Variants in HRH2 observed in about 807,000 individuals in gnomAD.
HRH2 encodes histamine H2 receptor.
In HRH2, 4 loss-of-function variants were observed where a neutral mutation model predicts 20.1. The observed-to-expected ratio is 0.20, with a 90% CI of 0.10 to 0.45. The LOEUF (loss-of-function observed/expected upper bound fraction) is 0.45. HRH2 is among the 20% of genes least tolerant of loss of function. The probability of loss-of-function intolerance (pLI) is 0.99; values close to 1 mark genes in which losing one functional copy is unlikely to be tolerated. For missense variants in HRH2, 250 were observed against 461.6 expected, an observed-to-expected ratio of 0.54 and a Z score of 4.20; for synonymous variants, 197 against 200.7, an observed-to-expected ratio of 0.98 and a Z score of 0.16.
In HRH2 at chr5:175,677,765, G is replaced by C. The variant is rs1459432659; in HGVS notation, c.-525-4944G>C. On this transcript the variant is annotated intron_variant, in intron 1 of 2. Coordinates refer to ENST00000636584, the MANE Select transcript of HRH2 (RefSeq NM_001367711.1). This position sits in a 1 kb window ranked among gnomAD's most constrained non-coding sequence, Gnocchi z 4.2. The stretch of plus-strand genomic sequence containing the variant: ...TGAGAATGAGGAACTGGGCGGTGCC[G>C]GGCAGCCACCTGCTCCGGCCCACCC... 6.6e-5 allele frequency among the ~76,000 whole-genome samples: 10 copies of C among 152,180 alleles called. No homozygotes were observed. The East Asian group carries it at 1.9e-3, about 29-fold the overall frequency.
intron 2 of HRH2, among the ~76,000 whole-genome samples, chr5:175,694,862 C>A (rs1756518315): frequency 6.6e-6 from 1 of 152,164 alleles, no homozygotes; most frequent in African/African-American, 2.4e-5. Context: ...AGGGCCCAGC[C>A]TAGCATCTGA....
rs2113504722 is a variant in HRH2, at chr5:175,677,256, T to G, written c.-525-5453T>G. On this transcript the variant is annotated intron_variant, in intron 1 of 2. Transcript: ENST00000636584. This position sits in a 1 kb window ranked among gnomAD's most constrained non-coding sequence, Gnocchi z 4.2. The stretch of plus-strand genomic sequence containing the variant: ...CTCCCACCTCAGCCTCCCAAAATGC[T>G]GGGACTGCAGGTGTGAATCACTGCG... Among the ~76,000 whole-genome samples, 2 of 152,380 alleles carry G rather than the reference T, an allele frequency of 1.3e-5. No homozygotes were observed. The highest frequency in any genetic ancestry group is 2.9e-5 in the Non-Finnish European group (2 of 68,040).
rs1037796997 is a variant in HRH2, at chr5:175,686,001, AC to A, written c.1076+1694del. On this transcript the variant is annotated intron_variant, in intron 2 of 2. Coordinates refer to ENST00000636584, the MANE Select transcript of HRH2 (RefSeq NM_001367711.1). This position sits in a 1 kb window ranked among gnomAD's most constrained non-coding sequence, Gnocchi z 4.7. ...TGGATCCTGGGCCCTCTGCTCCTTC[AC>A]CACTGTCCATCTGAAGCAAGCCTGG... 1 of 153,612 alleles carries A rather than the reference AC, an allele frequency of 6.5e-6. No homozygotes were observed. The highest frequency in any genetic ancestry group is 2.4e-5 in the African/African-American group (1 of 41,398). The allele number at this position is 153,612 out of a possible 1,614,324, so 9.5% of individuals were successfully genotyped here.
intron 2 of HRH2, among the ~76,000 whole-genome samples, chr5:175,703,522 C>A (rs1756854869): frequency 6.6e-6 from 1 of 151,516 alleles, no homozygotes; most frequent in Admixed American, 6.6e-5. Flanking sequence ...TTAAAAAGAA[C>A]AACAAAATAA....
chr5:175,691,714 C>T (rs1247901850), intron 2 of HRH2, among the ~76,000 whole-genome samples: 1 of 151,698 alleles, frequency 6.6e-6, no homozygotes, highest in Non-Finnish European at 1.5e-5. Flanking sequence ...GAAACCCCAT[C>T]TCTACTAAAA....
chr5:175,684,283 C>T lies in HRH2; in HGVS notation c.1050C>T (p.Val350=), dbSNP rs1756090943. Residue 350 remains valine (V), a synonymous_variant, in exon 2 of 3, where the codon GTC becomes GTT. Coordinates refer to ENST00000636584, the MANE Select transcript of HRH2 (RefSeq NM_001367711.1). ...LKLQVWSGTE[V]TAPQGATDRK... ...TCCAGGTGTGGAGTGGGACAGAAGT[C>T]ACGGCCCCCCAGGGAGCCACAGACA... 1 of 1,614,062 alleles carries T rather than the reference C, an allele frequency of 6.2e-7. No individual in the cohort carries two copies. Among genetic ancestry groups the T allele is most frequent in the Non-Finnish European group, 8.5e-7 (1 of 1,179,992 alleles).
chr5:175,679,253 C>G (rs1354042336), intron 1 of HRH2, among the ~76,000 whole-genome samples: 1 of 152,098 alleles, frequency 6.6e-6, no homozygotes, highest in Non-Finnish European at 1.5e-5. Flanking sequence ...AGAGAGTGCT[C>G]CCAGGGCCTT....
chr5:175,708,308 G>C lies in HRH2; in HGVS notation c.*337G>C. The C allele has an allele frequency of 4.6e-6, 1 of 216,182 alleles. No homozygotes were observed. The highest frequency in any genetic ancestry group is 9.0e-6 in the Non-Finnish European group (1 of 110,520). The allele number at this position is 216,182 out of a possible 1,614,324, so 13.4% of individuals were successfully genotyped here. On this transcript the variant is annotated 3_prime_UTR_variant, in exon 3 of 3. Coordinates refer to ENST00000636584, the MANE Select transcript of HRH2 (RefSeq NM_001367711.1). ...CATGTGTGTGCATGGGTGCATACGTGTAGGGACGTGCATGACCTCTGAGCA... is the reference window on the plus strand; with the variant it reads ...CATGTGTGTGCATGGGTGCATACGTCTAGGGACGTGCATGACCTCTGAGCA...
chr5:175,681,367 G>A lies in HRH2; in HGVS notation c.-525-1342G>A, dbSNP rs1250602136. 6.6e-6 allele frequency among the ~76,000 whole-genome samples: 1 copy of A among 152,204 alleles called. No individual in the cohort carries two copies. On this transcript the variant is annotated intron_variant, in intron 1 of 2. Transcript: ENST00000636584. This position sits in a 1 kb window ranked among gnomAD's most constrained non-coding sequence, Gnocchi z 4.3. ...AGGTTGCAAACCGCTCCAGGCAAGA[G>A]CCTGGGAGAGGCTTAATTTATGTTT...
At chr5:175,701,488 C>T (rs10037326) in intron 2 of HRH2, among the ~76,000 whole-genome samples, 2 of 152,100 alleles carry the variant, frequency 1.3e-5, no homozygotes, top group Non-Finnish European at 2.9e-5. Context: ...CTCGGATTGC[C>T]GCTGTAATCC....
intron 1 of HRH2, among the ~76,000 whole-genome samples, chr5:175,664,749 C>A (rs1762837877): frequency 6.6e-6 from 1 of 152,138 alleles, no homozygotes; most frequent in South Asian, 2.1e-4. Context: ...GTCCTCCCAC[C>A]TCAGCCTCCC....
At chr5:175,680,528 T>C (rs528133294) in intron 1 of HRH2, among the ~76,000 whole-genome samples, 2 of 152,318 alleles carry the variant, frequency 1.3e-5, no homozygotes, top group South Asian at 4.1e-4. Flanking sequence ...GTCATCACTT[T>C]GGAAGTTTGA....
intron 2 of HRH2, among the ~76,000 whole-genome samples, chr5:175,688,182 C>A (rs543156530): frequency 5.3e-5 from 8 of 152,354 alleles, no homozygotes; most frequent in African/African-American, 1.7e-4. Context: ...GCCTGGGTAA[C>A]CCATGCTACT....
intron 2 of HRH2, among the ~76,000 whole-genome samples, chr5:175,689,450 C>T (rs1014474103): frequency 3.3e-5 from 5 of 152,176 alleles, no homozygotes; most frequent in African/African-American, 7.2e-5. Context: ...CTGTGCCTGG[C>T]ACAGAACAGG....
intron 1 of HRH2, among the ~76,000 whole-genome samples, chr5:175,676,838 G>A (rs1037425926): frequency 1.3e-5 from 2 of 152,214 alleles, no homozygotes; most frequent in Non-Finnish European, 2.9e-5. Flanking sequence ...TTTGACTCCA[G>A]TTGCACTGGA....
At chr5:175,668,412 G>A (rs1397275564) in intron 1 of HRH2, among the ~76,000 whole-genome samples, 1 of 152,158 alleles carries the variant, frequency 6.6e-6, no homozygotes. Flanking sequence ...CAGGGTGGGG[G>A]TGCAGGGGAA....
intron 1 of HRH2, among the ~76,000 whole-genome samples, chr5:175,669,335 G>C (rs1755432081): frequency 6.6e-6 from 1 of 151,286 alleles, no homozygotes; most frequent in African/African-American, 2.4e-5. Flanking sequence ...AGGCATCCTG[G>C]AACTGTGCTT....
Position 175,686,657 on chromosome 5 carries a change from A to G in HRH2, c.1076+2348A>G, listed in dbSNP as rs960071116. 6.6e-6 allele frequency among the ~76,000 whole-genome samples: 1 copy of G among 152,188 alleles called. No homozygotes were observed. The highest frequency in any genetic ancestry group is 1.5e-5 in the Non-Finnish European group (1 of 68,028). On this transcript the variant is annotated intron_variant, in intron 2 of 2. Transcript: ENST00000636584. This position sits in a 1 kb window ranked among gnomAD's most constrained non-coding sequence, Gnocchi z 4.7. ...ATGGGCCCGGGAGCCCATCCCGGAG[A>G]GGAGACCTCTGAGCTTTTAAATGCA...
intron 1 of HRH2, among the ~76,000 whole-genome samples, chr5:175,672,832 T>C (rs1581418850): frequency 6.6e-6 from 1 of 152,172 alleles, no homozygotes; most frequent in Non-Finnish European, 1.5e-5. Flanking sequence ...TGAGCTGCCT[T>C]GGAGGGGTCC....
Sources: allele counts gnomAD v4.1 joint callset (sites outside exome capture counted in the v4.1 genomes callset), GRCh38; gene constraint gnomAD v4.1.1; non-coding constraint Gnocchi (gnomAD v3.1); transcripts MANE v1.5; gene names NCBI Gene and HGNC (gene_info 2026-07-23, HGNC 2026-07-21).